The following PDE4C variants were observed in gnomAD, a reference collection of about 807,000 sequenced individuals.
PDE4C encodes 3',5'-cyclic-AMP phosphodiesterase 4C.
A neutral mutation model predicts 63.9 loss-of-function variants in PDE4C; 50 were observed. The ratio of observed to expected loss-of-function variants is 0.78; its 90% confidence interval spans 0.62 to 0.99. The LOEUF is 0.99. PDE4C is among the 50% of genes least tolerant of loss of function. The pLI is 0.00. For synonymous variants in PDE4C, 377 were observed against 385.1 expected (o/e 0.98, Z 0.25); for missense variants, 777 against 899.1 (o/e 0.86, Z 1.74).
intron 13 of PDE4C, among the ~76,000 whole-genome samples, 168 bp downstream of exon 13, chr19:18,213,200 C>T (rs1239843245): frequency 6.6e-6 from 1 of 151,656 alleles, no homozygotes; most frequent in South Asian, 2.1e-4. Flanking sequence ...AGGAGAATGG[C>T]GTGAACCTGG....
chr19:18,232,708 A>AC (rs1331984961), intron 1 of PDE4C, among the ~76,000 whole-genome samples: 3 of 151,904 alleles, frequency 2.0e-5, no homozygotes, highest in African/African-American at 7.3e-5. Flanking sequence ...GCACACACAC[A>AC]CACACTCTTT....
chr19:18,219,463 C>G, intron 7 of PDE4C, 66 bp from the exon 8 acceptor site: 3 of 1,500,078 alleles, frequency 2.0e-6, no homozygotes, highest in South Asian at 2.7e-5. Flanking sequence ...GCCTCAGGAC[C>G]TGAATTTTGC....
Position 18,219,517 on chromosome 19 carries a change from G to A in PDE4C, c.707-120C>T, listed in dbSNP as rs1214430575. 5 of 1,186,720 alleles carry A rather than the reference G, an allele frequency of 4.2e-6. No homozygotes were observed. In the African/African-American group the frequency reaches 6.2e-5, roughly 15 times the overall value. 73.5% of individuals were successfully genotyped at this position (1,186,720 alleles called of 1,614,324 possible). A position where few individuals can be genotyped will look rare whatever the true frequency, so the allele number is the denominator to read the frequency against. ...TATTTCCCTTTCTACAGGAACCAAA[G>A]TAAGTTCGGAGTAAAGACCCTGTCG... On this transcript the variant is annotated intron_variant, in intron 7 of 14. Transcript: ENST00000262805.
chr19:18,251,179 G>A (rs181174886), upstream of PDE4C, among the ~76,000 whole-genome samples: 2 of 151,200 alleles, frequency 1.3e-5, no homozygotes, highest in African/African-American at 4.9e-5. Flanking sequence ...AGGCTGGAGT[G>A]CAGTGGTTCA....
At chr19:18,255,341 A>ACAGGTGTGTGGC in the PDE4C span, 11,072 of 398,808 alleles carry the variant, frequency 0.028, 1,073 homozygotes, top group African/African-American at 0.2. The surrounding 1 kb of genome is among the most constrained non-coding windows in gnomAD (Gnocchi z 4.6). Flanking sequence ...CCGGCTCTGC[A>ACAGGTGTGTGGC]CAGGTGTGTG....
exon 8 of PDE4C, chr19:18,219,325 C>T: frequency 6.2e-7 from 1 of 1,614,098 alleles, no homozygotes; most frequent in Non-Finnish European, 8.5e-7. Context: ...CCCATGTAGG[C>T]CACTGATCCG....
chr19:18,226,481 G>A, upstream of PDE4C: 1 of 1,300,544 alleles, frequency 7.7e-7, no homozygotes. Context: ...ACAGCTGCGG[G>A]GGCGGGGCCC....
At chr19:18,221,038 G>A (rs1178042915) in intron 4 of PDE4C, 67 bp downstream of exon 4, 2 of 933,708 alleles carry the variant, frequency 2.1e-6, no homozygotes, top group Non-Finnish European at 2.9e-6. Context: ...GCCTCAATTT[G>A]CAGCCCGCTT....
chr19:18,250,530 C>A (rs1156790097), upstream of PDE4C: 3 of 385,456 alleles, frequency 7.8e-6, no homozygotes, highest in Non-Finnish European at 1.3e-5. Flanking sequence ...CCTAAGACAC[C>A]CACCAGGGCC....
upstream of PDE4C, chr19:18,226,591 G>GC (rs889226595): frequency 4.1e-5 from 16 of 392,030 alleles, no homozygotes; most frequent in Non-Finnish European, 5.8e-5. Context: ...AGAGTCAGAC[G>GC]CAACTCTCTG....
At chr19:18,210,887 G>A in exon 15 of PDE4C, 1 of 1,538,180 alleles carries the variant, frequency 6.5e-7, no homozygotes, top group South Asian at 1.3e-5. Context: ...GAGCCAAAGG[G>A]CTTTACCATC....
chr19:18,217,966 G>C (rs149439541), intron 11 of PDE4C, among the ~76,000 whole-genome samples, 183 bp downstream of exon 11: 364 of 152,276 alleles, frequency 2.4e-3, no homozygotes, highest in African/African-American at 8.0e-3. Flanking sequence ...TCTGTCATTT[G>C]TTGGCACCTA....
intron 1 of PDE4C, among the ~76,000 whole-genome samples, chr19:18,222,641 T>C (rs918566655): frequency 1.1e-4 from 16 of 147,896 alleles, no homozygotes; most frequent in African/African-American, 3.5e-4. Context: ...TCTTTTTTTT[T>C]TTTCTTTCTC....
exon 15 of PDE4C, chr19:18,210,907 T>C: frequency 6.4e-7 from 1 of 1,568,266 alleles, no homozygotes; most frequent in Non-Finnish European, 8.7e-7. Context: ...CCATTGCCCC[T>C]GCAGTTCACG....
chr19:18,232,398 T>C lies in PDE4C; in HGVS notation c.242+552A>G, dbSNP rs766860852. On this transcript the variant is annotated intron_variant, in intron 1 of 14. Coordinates refer to the PDE4C transcript ENST00000594465. Reference sequence around the variant, plus strand: ...ACGTGTGTGTGTGTGTGTGTGTGTGTGTGTGTGTGTGCGTGTGTGTGTGTA... The same window carrying C: ...ACGTGTGTGTGTGTGTGTGTGTGTGCGTGTGTGTGTGCGTGTGTGTGTGTA... 1.0e-4 allele frequency among the ~76,000 whole-genome samples: 9 copies of C among 88,058 alleles called. No homozygotes were observed. The East Asian group carries it at 4.4e-3, about 43-fold the overall frequency. 57.8% of individuals were successfully genotyped at this position (88,058 alleles called of 152,430 possible).
In PDE4C at chr19:18,224,992, A is replaced by G. The variant is rs562784017; in HGVS notation, c.146+1278T>C. 7.2e-5 allele frequency among the ~76,000 whole-genome samples: 11 copies of G among 152,316 alleles called. No individual in the cohort carries two copies. The East Asian group carries it at 2.1e-3, about 29-fold the overall frequency. ...AAGCGCGTCTGTGGACAAATAGGGA[A>G]ACTGAGGCCAGGAGCGGCCACAGGG... is the stretch of plus-strand genomic sequence containing the variant. On this transcript the variant is annotated intron_variant, in intron 1 of 14. Coordinates refer to ENST00000262805, the Ensembl canonical transcript of PDE4C.
At chr19:18,235,088 T>TA (rs1968928185), upstream of PDE4C, among the ~76,000 whole-genome samples, 1 of 152,194 alleles carries the variant, frequency 6.6e-6, no homozygotes, top group Admixed American at 6.5e-5. Context: ...ATGCCAGATG[T>TA]AAAGGGTCTG....
At chr19:18,224,181 G>C (rs1968618489) in intron 1 of PDE4C, 1 of 983,468 alleles carries the variant, frequency 1.0e-6, no homozygotes, top group East Asian at 1.1e-4. Flanking sequence ...TTTGGGGTCA[G>C]AGGTCAGAGA....
chr19:18,222,631 TC>T, intron 1 of PDE4C, among the ~76,000 whole-genome samples: 1 of 126,594 alleles, frequency 7.9e-6, no homozygotes, highest in African/African-American at 2.8e-5. Context: ...TTTCTCTCTT[TC>T]TTTTTTTTTT....
Sources: gnomAD v4.1 joint callset for allele counts (sites outside exome capture counted in the v4.1 genomes callset) on GRCh38, gnomAD v4.1.1 for gene constraint, Gnocchi (gnomAD v3.1) non-coding constraint, MANE v1.5 for transcripts, NCBI Gene and HGNC (gene_info 2026-07-23, HGNC 2026-07-21) for gene names.